The following CLTCL1 variants were observed in gnomAD, a reference collection of about 807,000 sequenced individuals.
The protein encoded by CLTCL1 is clathrin heavy chain like 1, also known as clathrin heavy chain 2.
A neutral mutation model predicts 190.0 loss-of-function variants in CLTCL1; 159 were observed. The ratio of observed to expected loss-of-function variants is 0.84; its 90% confidence interval spans 0.74 to 0.95. CLTCL1 has a LOEUF of 0.95. Ranked by LOEUF, CLTCL1 falls within the 40% of genes least tolerant of loss-of-function variation. The probability of loss-of-function intolerance (pLI) is 0.00; values close to 1 mark genes in which losing one functional copy is unlikely to be tolerated. For synonymous variants in CLTCL1, 752 were observed against 769.6 expected, an observed-to-expected ratio of 0.98 and a Z score of 0.38; for missense variants, 1,878 against 2,033.4, an observed-to-expected ratio of 0.92 and a Z score of 1.47.
intron 24 of CLTCL1, 75 bp from the exon 25 acceptor site, chr22:19,196,731 G>C: frequency 3.3e-6 from 5 of 1,508,164 alleles, no homozygotes; most frequent in Non-Finnish European, 4.5e-6. Context: ...CCATGCCCAC[G>C]CCGCAGGGAC....
chr22:19,250,330 C>CTT (rs35580449), intron 3 of CLTCL1, among the ~76,000 whole-genome samples: 4 of 125,948 alleles, frequency 3.2e-5, no homozygotes, highest in Non-Finnish European at 5.1e-5. Context: ...CTCATCTGTT[C>CTT]TTTTTTTTTT....
chr22:19,258,751 T>G (rs1455994036), intron 2 of CLTCL1: 10 of 692,088 alleles, frequency 1.4e-5, no homozygotes, highest in Admixed American at 1.3e-4. Flanking sequence ...ACCTGCAGGA[T>G]AGTGGACGGC....
chr22:19,213,609 C>T (rs963509019), intron 19 of CLTCL1, among the ~76,000 whole-genome samples: 14 of 152,166 alleles, frequency 9.2e-5, no homozygotes, highest in African/African-American at 3.4e-4. Context: ...GAATGTAAGG[C>T]TGATGCGATG....
Position 19,207,460 on chromosome 22 carries a change from C to T in CLTCL1, c.3600+694G>A, listed in dbSNP as rs915284706. On this transcript the variant is annotated intron_variant, in intron 22 of 32. Transcript: ENST00000427926. ...TTATTCTGATGTGTATAGCCAAGAG[C>T]ATGTCAAAATTCCATGGGTCTCAAT... 13 of 400,100 alleles carry T rather than the reference C, an allele frequency of 3.2e-5. No individual in the cohort carries two copies. The Admixed American group carries it at 5.2e-4, about 16-fold the overall frequency. 24.8% of individuals were successfully genotyped at this position (400,100 alleles called of 1,614,324 possible). A position where few individuals can be genotyped will look rare whatever the true frequency, so the allele number is the denominator to read the frequency against.
chr22:19,185,454 G>A (rs539933775), intron 29 of CLTCL1, among the ~76,000 whole-genome samples: 3 of 152,166 alleles, frequency 2.0e-5, no homozygotes, highest in East Asian at 1.9e-4. Context: ...AGCCTCCTGA[G>A]TGGCTGGGAC....
chr22:19,258,932 T>C (rs5748078), intron 2 of CLTCL1: 5,570 of 379,698 alleles, frequency 0.015, 160 homozygotes, highest in East Asian at 0.081. Flanking sequence ...CTTGATGACA[T>C]TGGATCTTGC....
Position 19,221,528 on chromosome 22 carries a change from A to G in CLTCL1, c.2645T>C (p.Ile882Thr). 1 of 1,605,944 alleles carries G rather than the reference A, an allele frequency of 6.2e-7. No homozygotes were observed. Among genetic ancestry groups the G allele is most frequent in the Middle Eastern group, 1.7e-4 (1 of 6,052 alleles). The change falls in exon 17 of 33, where the codon ATC becomes ACC. Residue 882 changes from isoleucine to threonine, a missense_variant. Ile to Thr is a moderately conservative substitution (Grantham distance 89). Coordinates refer to ENST00000427926, the MANE Select transcript of CLTCL1 (RefSeq NM_007098.4). The stretch of plus-strand genomic sequence containing the variant: ...GGGGCTGTTGTTGCTGTCGATGTAG[A>G]TTTTAGCCAGTGCATTGTGAGTGGC... The part of the protein sequence containing the change: ...EPATHNALAK[I>T]YIDSNNSPEC...
intron 22 of CLTCL1, among the ~76,000 whole-genome samples, chr22:19,205,929 GTTT>G (rs11459393): frequency 6.2e-5 from 9 of 145,270 alleles, no homozygotes; most frequent in African/African-American, 1.5e-4. Flanking sequence ...TCCAACCATT[GTTT>G]TTTTTTTTTT....
At chr22:19,184,088 A>G (rs782505940) in intron 29 of CLTCL1, 2 of 254,988 alleles carry the variant, frequency 7.8e-6, no homozygotes, top group Non-Finnish European at 1.6e-5. Context: ...TTGCAAATGT[A>G]TTTGTCTAAG....
At chr22:19,290,750 A>G (rs1330850293) in intron 1 of CLTCL1, among the ~76,000 whole-genome samples, 1 of 152,250 alleles carries the variant, frequency 6.6e-6, no homozygotes, top group Admixed American at 6.5e-5. Context: ...GTGGTCAAAA[A>G]GACTTGAGTC....
At position 19,233,583 on chromosome 22, in the gene CLTCL1, T is replaced by G. The variant is rs1027886811; in HGVS notation, c.1207A>C (p.Ser403Arg). 2 of 1,613,520 alleles carry G rather than the reference T, an allele frequency of 1.2e-6. No individual in the cohort carries two copies. Among genetic ancestry groups the G allele is most frequent in the Non-Finnish European group, 1.7e-6 (2 of 1,179,906 alleles). The change falls in exon 8 of 33, where the codon AGT (serine) becomes CGT (arginine). Residue 403 changes from serine (S) to arginine (R), a missense_variant. Coordinates refer to ENST00000427926, the MANE Select transcript of CLTCL1 (RefSeq NM_007098.4). Reference protein sequence around the residue: ...RTRETVQKFQSIPAQSGQASP... With the variant: ...RTRETVQKFQRIPAQSGQASP... ...GCCTGGCCAGACTGAGCGGGTATACTCTGGAATTTCTGGACCGTCTCTCTG... is the reference window on the plus strand; with the variant it reads ...GCCTGGCCAGACTGAGCGGGTATACGCTGGAATTTCTGGACCGTCTCTCTG...
intron 12 of CLTCL1, 149 bp from the exon 13 acceptor site, chr22:19,225,782 A>G (rs1303313491): frequency 1.3e-6 from 1 of 741,442 alleles, no homozygotes; most frequent in African/African-American, 1.8e-5. Flanking sequence ...ACTATCCATC[A>G]CGGGAAAAAG....
At chr22:19,272,539 T>A (rs2087355998) in intron 2 of CLTCL1, among the ~76,000 whole-genome samples, 1 of 152,206 alleles carries the variant, frequency 6.6e-6, no homozygotes, top group Non-Finnish European at 1.5e-5. Context: ...AGCACGATCT[T>A]GGCTCACTGC....
intron 27 of CLTCL1, among the ~76,000 whole-genome samples, chr22:19,189,712 A>C (rs782379106): frequency 1.1e-4 from 16 of 152,174 alleles, no homozygotes; most frequent in Non-Finnish European, 1.9e-4. Context: ...CTTCTTCCAA[A>C]TTCCTGTTAA....
At position 19,180,736 on chromosome 22, in the gene CLTCL1, A is replaced by C; in HGVS notation, c.4898T>G (p.Val1633Gly). The C allele has an allele frequency of 6.2e-7, 1 of 1,613,546 alleles. No individual in the cohort carries two copies. The highest frequency in any genetic ancestry group is 8.5e-7 in the Non-Finnish European group (1 of 1,179,708). The change falls in exon 31 of 33, where the codon GTG becomes GGG. Residue 1633 changes from valine to glycine, a missense_variant. Physicochemically the swap from Val to Gly is moderately radical, Grantham distance 109. Coordinates refer to ENST00000427926, the MANE Select transcript of CLTCL1 (RefSeq NM_007098.4). ...GGGCTACAGGTGCCACCTACCAAAC[A>C]CGAGAGGGGCAGGCTCTGTCACATG... ...EEHVTEPAPLVFDFDGHE is the reference protein window; with the variant it reads ...EEHVTEPAPLGFDFDGHE
intron 2 of CLTCL1, among the ~76,000 whole-genome samples, chr22:19,265,216 C>A (rs1186870946): frequency 6.6e-6 from 1 of 152,170 alleles, no homozygotes; most frequent in Non-Finnish European, 1.5e-5. Context: ...ATTTATAAAA[C>A]AACTGCTTTT....
chr22:19,225,541 C>A lies in CLTCL1; in HGVS notation c.2040G>T (p.Gln680His). The A allele has an allele frequency of 1.3e-6, 2 of 1,587,980 alleles. No homozygotes were observed. The highest frequency in any genetic ancestry group is 8.6e-7 in the Non-Finnish European group (1 of 1,166,844). ...ACTTAGAGGCCACCTGCACACACAG[C>A]TGAAGGTTCTGTCTGATGTTAGCAG... ...MLSANIRQNL[Q>H]LCVQVASKYH... Residue 680 changes from glutamine (Q) to histidine (H), a missense_variant, in exon 13 of 33, where the codon CAG (glutamine) becomes CAT (histidine). Gln to His is a conservative substitution (Grantham distance 24, BLOSUM62 0). Transcript: ENST00000427926.
intron 18 of CLTCL1, among the ~76,000 whole-genome samples, chr22:19,218,474 A>C (rs2085461992): frequency 6.6e-6 from 1 of 152,250 alleles, no homozygotes; most frequent in Non-Finnish European, 1.5e-5. Context: ...AGGCTTGAGG[A>C]AACAGTGGAC....
At chr22:19,278,416 A>G (rs1427669739) in intron 1 of CLTCL1, among the ~76,000 whole-genome samples, 1 of 152,194 alleles carries the variant, frequency 6.6e-6, no homozygotes, top group Admixed American at 6.5e-5. Context: ...CCCAGGGCAC[A>G]GAGCCCCAGG....
Sources: allele counts gnomAD v4.1 joint callset (sites outside exome capture counted in the v4.1 genomes callset), GRCh38; gene constraint gnomAD v4.1.1; transcripts MANE v1.5; gene names NCBI Gene and HGNC (gene_info 2026-07-23, HGNC 2026-07-21).